Variants in ANK3 observed in about 807,000 individuals in gnomAD.
ANK3 encodes ankyrin 3.
A neutral mutation model predicts 370.9 loss-of-function variants in ANK3; 57 were observed. The ratio of observed to expected loss-of-function variants is 0.15; its 90% CI spans 0.12 to 0.19. ANK3 has a LOEUF of 0.19. Among genes scored for constraint, ANK3 ranks in the 10% least tolerant of loss-of-function variants. The pLI is 1.00. For missense variants in ANK3, 4,439 were observed against 5,302.1 expected (o/e 0.84, Z 5.06); for synonymous variants, 1,929 against 1,946.3 (o/e 0.99, Z 0.23).
chr10:60,705,830 T>TC (rs1422591978), intron 1 of ANK3, among the ~76,000 whole-genome samples: 4,513 of 145,342 alleles, frequency 0.031, 84 homozygotes, highest in South Asian at 0.064. Flanking sequence ...CTTTCTTTTT[T>TC]TTTTTTTTTT....
In ANK3 at chr10:60,029,875, C is replaced by CTTTTTTTTTTTTTTTTTTTTTTTTTTT. The variant is rs71015756; in HGVS notation, c.*20-76_*20-50dup. On this transcript the variant is annotated intron_variant, in intron 43 of 43. Coordinates refer to ENST00000280772, the MANE Select transcript of ANK3 (RefSeq NM_020987.5). ...TGAGTTTAGCTTTCTTTTTCTTTTT[C>CTTTTTTTTTTTTTTTTTTTTTTTTTTT]TTTTTTTTTTTTTTTTTTTTTTTTT... 3.2e-4 allele frequency: 22 copies of CTTTTTTTTTTTTTTTTTTTTTTTTTTT among 68,652 alleles called. 3 individuals are homozygous for CTTTTTTTTTTTTTTTTTTTTTTTTTTT. Among genetic ancestry groups the CTTTTTTTTTTTTTTTTTTTTTTTTTTT allele is most frequent in the South Asian group, 6.5e-4 (1 of 1,548 alleles). The allele number at this position is 68,652 out of a possible 1,614,324, so 4.3% of individuals were successfully genotyped here. A position where few individuals can be genotyped will look rare whatever the true frequency, so the allele number is the denominator to read the frequency against.
intron 42 of ANK3, among the ~76,000 whole-genome samples, chr10:60,047,987 T>TA (rs1428051064): frequency 6.6e-6 from 1 of 151,736 alleles, no homozygotes; most frequent in African/African-American, 2.4e-5. Context: ...ACATTAAATG[T>TA]AAAAAAAAGG....
At chr10:60,349,726 A>G (rs779635608) in intron 1 of ANK3, among the ~76,000 whole-genome samples, 1 of 152,208 alleles carries the variant, frequency 6.6e-6, no homozygotes, top group African/African-American at 2.4e-5. Context: ...CATTGGAACA[A>G]AAGTTGAAAT....
At chr10:60,520,698 C>T (rs941112718) in intron 2 of ANK3, among the ~76,000 whole-genome samples, 9 of 152,040 alleles carry the variant, frequency 5.9e-5, no homozygotes, top group Non-Finnish European at 1.2e-4. Context: ...TGTATTACTC[C>T]CTAGAGTACT....
chr10:60,031,730 G>T (rs1221616336), intron 43 of ANK3, among the ~76,000 whole-genome samples: 2 of 152,148 alleles, frequency 1.3e-5, no homozygotes, highest in Admixed American at 6.5e-5. Context: ...TTCCTCTTTA[G>T]ATGGGTCACC....
In ANK3 at chr10:60,069,129, T is replaced by C; in HGVS notation, c.11752A>G (p.Thr3918Ala). 6.2e-7 allele frequency: 1 copy of C among 1,614,212 alleles called. No individual in the cohort carries two copies. The highest frequency in any genetic ancestry group is 8.5e-7 in the Non-Finnish European group (1 of 1,180,036). The change falls in exon 37 of 44, where the codon ACA becomes GCA. Residue 3918 changes from threonine to alanine, a missense_variant. Physicochemically the swap from Thr to Ala is moderately conservative, Grantham distance 58 (BLOSUM62 0). Around this residue, in one of 13 missense-constraint regions of ANK3, gnomAD observed 496 missense variants for 529.3 expected, o/e 0.94. Transcript: ENST00000280772. Reference protein sequence around the residue: ...DVKSRIPVKNTHRDNIIAVRK... With the variant: ...DVKSRIPVKNAHRDNIIAVRK... ...ACTGCAATTATGTTATCCCTGTGTG[T>C]GTTTTTCACTGGAATTCTGGACTTT... is the stretch of plus-strand genomic sequence containing the variant.
At chr10:60,443,089 T>C (rs776868609) in intron 2 of ANK3, among the ~76,000 whole-genome samples, 79 of 152,234 alleles carry the variant, frequency 5.2e-4, no homozygotes, top group Admixed American at 2.0e-4. Flanking sequence ...GCTCAGGTCT[T>C]AGAGCTGAGC....
At chr10:60,219,352 G>A (rs1359322149) in intron 8 of ANK3, among the ~76,000 whole-genome samples, 2 of 152,060 alleles carry the variant, frequency 1.3e-5, no homozygotes, top group Non-Finnish European at 2.9e-5. Context: ...TCCGTCACAG[G>A]ACAACTTTAT....
intron 2 of ANK3, among the ~76,000 whole-genome samples, chr10:60,437,734 T>A (rs777035270): frequency 1.3e-5 from 2 of 152,216 alleles, no homozygotes; most frequent in Non-Finnish European, 2.9e-5. Context: ...AGTAATCTCC[T>A]GACCTAGAGC....
intron 2 of ANK3, among the ~76,000 whole-genome samples, chr10:60,511,418 T>A (rs945857083): frequency 6.6e-6 from 1 of 152,126 alleles, no homozygotes; most frequent in Non-Finnish European, 1.5e-5. Context: ...TTCTACAAGA[T>A]TAAAAAGTAA....
intron 2 of ANK3, among the ~76,000 whole-genome samples, chr10:60,546,517 A>C (rs1288613227): frequency 1.3e-5 from 2 of 152,224 alleles, no homozygotes; most frequent in African/African-American, 2.4e-5. Context: ...GGTAAATACT[A>C]GGAGTTTTGC....
At chr10:60,490,430 C>T (rs190088637) in intron 2 of ANK3, among the ~76,000 whole-genome samples, 1 of 152,274 alleles carries the variant, frequency 6.6e-6, no homozygotes, top group East Asian at 1.9e-4. Context: ...CCATCCTTAA[C>T]CCTCACTAAA....
intron 1 of ANK3, among the ~76,000 whole-genome samples, chr10:60,359,875 T>C (rs1232880921): frequency 6.6e-6 from 1 of 152,232 alleles, no homozygotes; most frequent in Non-Finnish European, 1.5e-5. Flanking sequence ...AGTTCAGCCA[T>C]ACTATCTAAA....
chr10:60,552,376 C>T (rs940718706), intron 2 of ANK3, among the ~76,000 whole-genome samples: 4 of 152,134 alleles, frequency 2.6e-5, no homozygotes, highest in African/African-American at 9.7e-5. Flanking sequence ...GATTTCACAA[C>T]CTACTAAAAT....
intron 16 of ANK3, 41 bp downstream of exon 16, chr10:60,196,104 C>A (rs1231660601): frequency 1.3e-6 from 2 of 1,526,356 alleles, no homozygotes; most frequent in East Asian, 2.3e-5. Flanking sequence ...GACTGATAGA[C>A]CTTACCCATC....
At chr10:60,137,381 A>AAAAAAG (rs768765768) in intron 24 of ANK3, 1 of 368,746 alleles carries the variant, frequency 2.7e-6, no homozygotes, top group Non-Finnish European at 5.3e-6. Flanking sequence ...TAGGAAAAAA[A>AAAAAAG]AAAAAAAAAA....
At chr10:60,430,646 GT>G (rs964784592) in intron 2 of ANK3, among the ~76,000 whole-genome samples, 2 of 152,056 alleles carry the variant, frequency 1.3e-5, no homozygotes, top group African/African-American at 4.8e-5. Flanking sequence ...TATTACTGCT[GT>G]TTTTTACCCC....
Position 60,070,471 on chromosome 10 carries a change from C to T in ANK3, c.10410G>A (p.Glu3470=), listed in dbSNP as rs960575854. The part of the protein sequence containing the change: ...SQSKLEVIEE[E]GKVGPDEDKP... ...TGTCCTCATCTGGTCCCACCTTTCC[C>T]TCCTCCTCGATAACTTCAAGTTTAC... Residue 3470 remains glutamate, a synonymous_variant, in exon 37 of 44, where the codon GAG becomes GAA. Transcript: ENST00000280772. The surrounding 1 kb of genome is among the most constrained non-coding windows in gnomAD (Gnocchi z 5.7). 6.2e-7 allele frequency: 1 copy of T among 1,614,132 alleles called. No homozygotes were observed. The highest frequency in any genetic ancestry group is 8.5e-7 in the Non-Finnish European group (1 of 1,180,002).
intron 1 of ANK3, among the ~76,000 whole-genome samples, chr10:60,376,454 AT>A (rs144105321): frequency 0.087 from 13,292 of 152,266 alleles, 729 homozygotes; most frequent in South Asian, 0.13. Flanking sequence ...TGGCTATATA[AT>A]TATTTGAATC....
Sources: gnomAD v4.1 joint callset for allele counts (sites outside exome capture counted in the v4.1 genomes callset) on GRCh38, gnomAD v4.1.1 for gene constraint, gnomAD v4.1.1 regional missense constraint, Gnocchi (gnomAD v3.1) non-coding constraint, MANE v1.5 for transcripts, NCBI Gene and HGNC (gene_info 2026-07-23, HGNC 2026-07-21) for gene names.